MEIOSIN: variants seen among roughly 807,000 people sequenced by gnomAD.
MEIOSIN encodes the protein meiosis initiator protein.
A neutral mutation model predicts 23.4 loss-of-function variants in MEIOSIN; 18 were observed. The observed-to-expected ratio is 0.77, with a 90% CI of 0.53 to 1.14. The LOEUF (loss-of-function observed/expected upper bound fraction) is 1.14. MEIOSIN is among the 50% of genes most tolerant of loss of function. The pLI is 0.00. For missense variants in MEIOSIN, 428 were observed against 242.9 expected (o/e 1.76, Z -5.07); for synonymous variants, 187 against 100.6 (o/e 1.86, Z -5.14).
rs915643477 is a variant in MEIOSIN, at chr19:45,758,988, C to T, written c.1123C>T (p.Leu375=). 1.4e-6 allele frequency: 1 copy of T among 703,104 alleles called. No homozygotes were observed. Among genetic ancestry groups the T allele is most frequent in the Admixed American group, 2.0e-5 (1 of 50,024 alleles). The allele number at this position is 703,104 out of a possible 1,614,324, so 43.6% of individuals were successfully genotyped here. The change falls in exon 10 of 15, where the codon CTG becomes TTG. Residue 375 remains leucine, a synonymous_variant. Coordinates refer to ENST00000457052, the MANE Select transcript of MEIOSIN (RefSeq NM_001310124.2). ...CCTTTTCAGCTCCCCAGGGAAACTG[C>T]TGCCAGACGAGATCTTGGAGGATGA... ...PSLFSSPGKL[L]PDEILEDDME... is the part of the protein sequence containing the mutation.
chr19:45,749,415 C>G (rs1968650979), intron 4 of MEIOSIN, among the ~76,000 whole-genome samples: 1 of 150,334 alleles, frequency 6.7e-6, no homozygotes, highest in Non-Finnish European at 1.5e-5. Flanking sequence ...GTGGCTCACG[C>G]CTGTAATCCC....
intron 5 of MEIOSIN, among the ~76,000 whole-genome samples, chr19:45,751,742 T>A (rs1156963931): frequency 6.6e-6 from 1 of 151,708 alleles, no homozygotes; most frequent in African/African-American, 2.4e-5. Flanking sequence ...TTCTTTTTTT[T>A]TTTTTGAGGC....
chr19:45,745,961 G>C (rs1433986500), intron 4 of MEIOSIN, among the ~76,000 whole-genome samples: 1 of 151,646 alleles, frequency 6.6e-6, no homozygotes, highest in Non-Finnish European at 1.5e-5. Flanking sequence ...GGGTTTTTAG[G>C]TTTTGTTTTG....
intron 4 of MEIOSIN, 85 bp downstream of exon 4, chr19:45,745,406 G>T: frequency 1.6e-6 from 1 of 641,488 alleles, no homozygotes; most frequent in South Asian, 1.8e-5. Flanking sequence ...TGGGAAACCT[G>T]GACAGATCCT....
At position 45,745,286 on chromosome 19, in the gene MEIOSIN, A is replaced by G. The variant is rs967264791; in HGVS notation, c.271A>G (p.Ile91Val). Residue 91 changes from isoleucine (I) to valine (V), a missense_variant, in exon 4 of 15, where the codon ATA becomes GTA. Coordinates refer to ENST00000457052, the MANE Select transcript of MEIOSIN (RefSeq NM_001310124.2). ...KLQELALLLP[I>V]ALKTGTKKLT... is the part of the protein sequence containing the mutation. ...GCAAGAGTTGGCACTGCTGCTGCCC[A>G]TAGCCCTGAAGACGGGGACCAAGAA... 1.0e-5 allele frequency: 7 copies of G among 702,912 alleles called. No homozygotes were observed. The highest frequency in any genetic ancestry group is 5.4e-5 in the East Asian group (2 of 37,300). The allele number at this position is 702,912 out of a possible 1,614,324, so 43.5% of individuals were successfully genotyped here.
At chr19:45,737,009 C>T (rs578204531) in intron 2 of MEIOSIN, among the ~76,000 whole-genome samples, 7 of 151,834 alleles carry the variant, frequency 4.6e-5, no homozygotes, top group Non-Finnish European at 8.8e-5. Flanking sequence ...GCTGAGACTA[C>T]AGGCGCATGC....
At chr19:45,743,254 C>T (rs958689655) in intron 3 of MEIOSIN, among the ~76,000 whole-genome samples, 2 of 152,202 alleles carry the variant, frequency 1.3e-5, no homozygotes, top group Non-Finnish European at 2.9e-5. Flanking sequence ...ATGAAACCCT[C>T]TGAGACGGTC....
intron 13 of MEIOSIN, among the ~76,000 whole-genome samples, chr19:45,763,074 C>A (rs530497615): frequency 2.0e-4 from 31 of 152,348 alleles, no homozygotes; most frequent in African/African-American, 7.0e-4. Flanking sequence ...GGAGGCCCCC[C>A]CCAAGCCACA....
At chr19:45,750,360 C>CTTTTTT (rs11295860) in intron 4 of MEIOSIN, among the ~76,000 whole-genome samples, 10 of 98,522 alleles carry the variant, frequency 1.0e-4, no homozygotes, top group Non-Finnish European at 1.4e-4. Flanking sequence ...TTTTCTTTTT[C>CTTTTTT]TTTTTTTTTT....
At chr19:45,739,474 G>A (rs1460711129) in intron 2 of MEIOSIN, among the ~76,000 whole-genome samples, 152 bp from the exon 3 acceptor site, 1 of 152,148 alleles carries the variant, frequency 6.6e-6, no homozygotes, top group African/African-American at 2.4e-5. Context: ...CTTTGGAAGG[G>A]CAAGATGGTT....
intron 3 of MEIOSIN, among the ~76,000 whole-genome samples, chr19:45,741,075 T>C (rs963844517): frequency 2.0e-5 from 3 of 151,794 alleles, no homozygotes; most frequent in African/African-American, 7.3e-5. Context: ...TAACGCTGGG[T>C]GCGGTGGCTC....
intron 2 of MEIOSIN, among the ~76,000 whole-genome samples, chr19:45,737,004 G>A (rs1327094256): frequency 1.3e-5 from 2 of 151,842 alleles, no homozygotes; most frequent in Non-Finnish European, 2.9e-5. Flanking sequence ...GAGTAGCTGA[G>A]ACTACAGGCG....
Position 45,745,662 on chromosome 19 carries a change from T to C in MEIOSIN, c.306+341T>C, listed in dbSNP as rs536267383. ...TCAGGCTACCCAGACTTTCTTTTTT[T>C]CTTTGTTCTTTTTTGTTTTTGAGAG... On this transcript the variant is annotated intron_variant, in intron 4 of 14. Coordinates refer to ENST00000457052, the MANE Select transcript of MEIOSIN (RefSeq NM_001310124.2). Among the ~76,000 whole-genome samples, 17 of 152,294 alleles carry C rather than the reference T, an allele frequency of 1.1e-4. No homozygotes were observed. In the South Asian group the frequency reaches 2.7e-3, roughly 24 times the overall value.
chr19:45,763,787 G>C (rs1031716512), intron 14 of MEIOSIN, among the ~76,000 whole-genome samples, 184 bp from the exon 15 acceptor site: 3 of 152,194 alleles, frequency 2.0e-5, no homozygotes, highest in Admixed American at 2.0e-4. Flanking sequence ...TCCTGACTTT[G>C]AACACATCCC....
chr19:45,734,200 A>G (rs762605464), intron 1 of MEIOSIN, among the ~76,000 whole-genome samples: 2 of 152,004 alleles, frequency 1.3e-5, no homozygotes, highest in Non-Finnish European at 2.9e-5. Context: ...GAGTGCCCAC[A>G]TTGAGTATGG....
chr19:45,738,230 C>T (rs1309227625), intron 2 of MEIOSIN, among the ~76,000 whole-genome samples: 1 of 152,216 alleles, frequency 6.6e-6, no homozygotes, highest in Admixed American at 6.5e-5. Flanking sequence ...ACCATCTCCC[C>T]CAGTGACTTT....
intron 3 of MEIOSIN, among the ~76,000 whole-genome samples, chr19:45,742,250 T>A (rs1379058922): frequency 6.6e-6 from 1 of 151,990 alleles, no homozygotes; most frequent in South Asian, 2.1e-4. Context: ...CAAGGGACCA[T>A]CCTGCCTTGG....
chr19:45,752,033 G>GTT (rs36122176), intron 5 of MEIOSIN, among the ~76,000 whole-genome samples: 20 of 64,124 alleles, frequency 3.1e-4, no homozygotes, highest in South Asian at 7.3e-4. Context: ...GCTCCTAGCC[G>GTT]TTTTTTTTTT....
intron 4 of MEIOSIN, among the ~76,000 whole-genome samples, chr19:45,749,058 G>C (rs1227056795): frequency 6.9e-6 from 1 of 144,692 alleles, no homozygotes; most frequent in East Asian, 2.0e-4. Context: ...AACAGACCGA[G>C]ACTCCCTCTC....
Sources: allele counts gnomAD v4.1 joint callset (sites outside exome capture counted in the v4.1 genomes callset), GRCh38; gene constraint gnomAD v4.1.1; transcripts MANE v1.5; gene names NCBI Gene and HGNC (gene_info 2026-07-23, HGNC 2026-07-21).